Variants in TRDN observed in about 807,000 individuals in gnomAD.
The protein encoded by TRDN is triadin, also known as triadin in skeletal muscle.
A neutral mutation model predicts 149.7 loss-of-function variants in TRDN; 161 were observed. That is an observed-to-expected ratio of 1.08 (90% CI 0.95 to 1.23). TRDN has a LOEUF of 1.23. Ranked by LOEUF, TRDN falls within the 50% of genes most tolerant of loss-of-function variation. The pLI, the probability that TRDN is intolerant of heterozygous loss-of-function variation, is 0.00. For synonymous variants in TRDN, 294 were observed against 250.5 expected, an observed-to-expected ratio of 1.17 and a Z score of -1.64; for missense variants, 896 against 823.5, an observed-to-expected ratio of 1.09 and a Z score of -1.08.
intron 5 of TRDN, among the ~76,000 whole-genome samples, chr6:123,522,646 ATTGT>A (rs1278752722): frequency 7.9e-5 from 12 of 151,342 alleles, no homozygotes; most frequent in African/African-American, 2.9e-4. Flanking sequence ...TTAGTATGAA[ATTGT>A]TTGTTGCCAC....
chr6:123,396,997 C>A (rs746148420), intron 12 of TRDN, among the ~76,000 whole-genome samples: 6 of 151,916 alleles, frequency 3.9e-5, no homozygotes, highest in Middle Eastern at 3.4e-3. Context: ...AATAGTATTG[C>A]TGAGAAACCT....
At chr6:123,506,270 T>G (rs1778917458) in intron 7 of TRDN, among the ~76,000 whole-genome samples, 1 of 152,072 alleles carries the variant, frequency 6.6e-6, no homozygotes, top group South Asian at 2.1e-4. Context: ...CTGAATAAAT[T>G]TTAGCACAGC....
intron 9 of TRDN, among the ~76,000 whole-genome samples, chr6:123,496,053 A>C (rs1778430461): frequency 6.8e-6 from 1 of 147,252 alleles, no homozygotes; most frequent in Non-Finnish European, 1.5e-5. Context: ...TTAATAATAT[A>C]TATCATTAAT....
chr6:123,369,643 C>T (rs1207553397), intron 19 of TRDN, among the ~76,000 whole-genome samples: 1 of 152,146 alleles, frequency 6.6e-6, no homozygotes, highest in African/African-American at 2.4e-5. Context: ...TAAAAGTAAG[C>T]TGCTGTTGAG....
At chr6:123,528,482 A>G (rs1269456336) in intron 5 of TRDN, among the ~76,000 whole-genome samples, 1 of 151,932 alleles carries the variant, frequency 6.6e-6, no homozygotes, top group Non-Finnish European at 1.5e-5. Flanking sequence ...AGCATAATGA[A>G]TCTTTTTGGT....
chr6:123,294,792 AG>A (rs1746568966), intron 24 of TRDN, among the ~76,000 whole-genome samples: 1 of 152,126 alleles, frequency 6.6e-6, no homozygotes, highest in South Asian at 2.1e-4. Flanking sequence ...GATTTTACCA[AG>A]TAAAAACAGT....
chr6:123,496,091 TATATA>T (rs900067657), intron 9 of TRDN, among the ~76,000 whole-genome samples: 2 of 146,890 alleles, frequency 1.4e-5, no homozygotes, highest in Non-Finnish European at 3.0e-5. Flanking sequence ...AATATATTAA[TATATA>T]ATATATATAA....
intron 27 of TRDN, among the ~76,000 whole-genome samples, chr6:123,274,313 A>T (rs1777300153): frequency 6.6e-6 from 1 of 152,140 alleles, no homozygotes; most frequent in African/African-American, 2.4e-5. Flanking sequence ...GAATTATAAA[A>T]ACAAAGCCAC....
chr6:123,467,778 A>G (rs955187601), intron 9 of TRDN, among the ~76,000 whole-genome samples: 2 of 152,126 alleles, frequency 1.3e-5, no homozygotes, highest in Non-Finnish European at 2.9e-5. Context: ...TACATTATAT[A>G]ACATATATAA....
intron 4 of TRDN, among the ~76,000 whole-genome samples, chr6:123,543,446 C>A (rs576350888): frequency 1.2e-4 from 19 of 152,106 alleles, no homozygotes; most frequent in African/African-American, 3.1e-4. Flanking sequence ...AAAACATGTC[C>A]GAATTCTGTA....
At chr6:123,519,249 T>A (rs1421534933) in intron 5 of TRDN, among the ~76,000 whole-genome samples, 2 of 152,168 alleles carry the variant, frequency 1.3e-5, no homozygotes, top group Non-Finnish European at 2.9e-5. Context: ...GGCATCTGAG[T>A]TGGCATGGGC....
intron 5 of TRDN, among the ~76,000 whole-genome samples, chr6:123,530,068 T>C (rs4996638): frequency 0.57 from 86,044 of 151,626 alleles, 25,273 homozygotes; most frequent in Non-Finnish European, 0.65. Context: ...CTTTCTTACA[T>C]GACCTCTGCC....
rs529428707 is a variant in TRDN, at chr6:123,629,236, C to T, written c.22+7518G>A. On this transcript the variant is annotated intron_variant, in intron 1 of 40. Coordinates refer to ENST00000334268, the MANE Select transcript of TRDN (RefSeq NM_006073.4). ...ATTTTCAAAGGCAACAGACAATTTT[C>T]CAAGGAAAGTTTGCTAAATATGTAT... Among the ~76,000 whole-genome samples, 1,198 of 152,192 alleles carry T rather than the reference C, an allele frequency of 7.9e-3. 24 individuals are homozygous for T. Among genetic ancestry groups the T allele is most frequent in the Non-Finnish European group, 6.5e-3 (439 of 67,986 alleles).
intron 1 of TRDN, among the ~76,000 whole-genome samples, chr6:123,631,963 G>T (rs368262862): frequency 6.6e-6 from 1 of 151,830 alleles, no homozygotes; most frequent in Admixed American, 6.6e-5. Context: ...ACCACAATAC[G>T]GTTATCCCAC....
intron 12 of TRDN, among the ~76,000 whole-genome samples, chr6:123,430,762 C>T (rs1774306979): frequency 6.6e-6 from 1 of 152,130 alleles, no homozygotes; most frequent in Non-Finnish European, 1.5e-5. Context: ...TGAACCTTCG[C>T]TCCTTCTGAG....
chr6:123,429,251 T>C (rs1287510747), intron 12 of TRDN: 1 of 152,208 alleles, frequency 6.6e-6, no homozygotes, highest in Non-Finnish European at 1.5e-5. Flanking sequence ...ATTCCAATGC[T>C]GGGTTTCTCT....
chr6:123,478,911 A>G (rs1049074779), intron 9 of TRDN, among the ~76,000 whole-genome samples: 1 of 152,184 alleles, frequency 6.6e-6, no homozygotes. Context: ...GTGGTTCTCA[A>G]TACATTTGTT....
intron 12 of TRDN, among the ~76,000 whole-genome samples, chr6:123,436,412 G>A (rs1347041202): frequency 6.6e-6 from 1 of 152,112 alleles, no homozygotes. Context: ...TGGACACACA[G>A]AATGTCTGGC....
At chr6:123,538,463 T>C (rs986215276) in intron 4 of TRDN, among the ~76,000 whole-genome samples, 2 of 152,154 alleles carry the variant, frequency 1.3e-5, no homozygotes, top group African/African-American at 2.4e-5. Context: ...AAACTTTTTA[T>C]GTTTGATTGG....
Sources: allele counts gnomAD v4.1 joint callset (sites outside exome capture counted in the v4.1 genomes callset), GRCh38; gene constraint gnomAD v4.1.1; transcripts MANE v1.5; gene names NCBI Gene and HGNC (gene_info 2026-07-23, HGNC 2026-07-21).